TAF1B: variants seen among roughly 807,000 people sequenced by gnomAD.
The protein encoded by TAF1B is TATA box-binding protein-associated factor RNA polymerase I subunit B.
TAF1B carries 61 observed loss-of-function variants against 83.9 expected under a neutral mutation model. The ratio of observed to expected loss-of-function variants is 0.73; its 90% CI spans 0.59 to 0.90. TAF1B has a LOEUF of 0.90. TAF1B is among the 40% of genes least tolerant of loss of function. The pLI is 0.00. For synonymous variants in TAF1B, 221 were observed against 224.6 expected (o/e 0.98, Z 0.14); for missense variants, 625 against 677.0 (o/e 0.92, Z 0.85).
intron 8 of TAF1B, among the ~76,000 whole-genome samples, chr2:9,896,561 CTG>C (rs1300696806): frequency 8.5e-6 from 1 of 118,084 alleles, no homozygotes; most frequent in Non-Finnish European, 1.6e-5. Context: ...TGTTTTCCTT[CTG>C]TGTTTGGTTT....
At chr2:9,897,643 C>G (rs890442109) in intron 8 of TAF1B, among the ~76,000 whole-genome samples, 3 of 152,244 alleles carry the variant, frequency 2.0e-5, no homozygotes, top group African/African-American at 7.2e-5. Flanking sequence ...AACTGGGTTT[C>G]TTTTGGTTGA....
At chr2:9,889,975 A>AATATG (rs1159478170) in intron 8 of TAF1B, among the ~76,000 whole-genome samples, 1 of 152,172 alleles carries the variant, frequency 6.6e-6, no homozygotes, top group East Asian at 1.9e-4. Flanking sequence ...ATACATGCAC[A>AATATG]TATTGATACT....
chr2:9,927,791 A>C (rs1335199136), intron 14 of TAF1B, among the ~76,000 whole-genome samples: 13 of 152,168 alleles, frequency 8.5e-5, no homozygotes, highest in Admixed American at 7.2e-4. Flanking sequence ...GGGTAGATTG[A>C]AAAAATTTTC....
At chr2:9,852,153 C>A in intron 4 of TAF1B, 1 of 396,382 alleles carries the variant, frequency 2.5e-6, no homozygotes. Flanking sequence ...ACCTTAATCC[C>A]CGAATTTCTG....
chr2:9,891,287 G>T (rs1664867188), intron 8 of TAF1B, among the ~76,000 whole-genome samples: 3 of 152,152 alleles, frequency 2.0e-5, no homozygotes, highest in Non-Finnish European at 4.4e-5. Context: ...ACTGCCAGTG[G>T]TAGAAAAGTA....
chr2:9,849,679 G>A (rs1452589620), intron 3 of TAF1B, among the ~76,000 whole-genome samples: 7 of 152,088 alleles, frequency 4.6e-5, no homozygotes, highest in South Asian at 2.1e-4. Flanking sequence ...TAATTCAACC[G>A]TGGAATTGTT....
At chr2:9,868,450 A>G (rs750023827) in intron 6 of TAF1B, 21 bp downstream of exon 6, 7 of 1,594,502 alleles carry the variant, frequency 4.4e-6, no homozygotes, top group African/African-American at 1.3e-5. Context: ...GAACCAAACC[A>G]TTTCGAATTT....
At chr2:9,885,669 T>C (rs1469398267) in intron 8 of TAF1B, among the ~76,000 whole-genome samples, 2 of 152,200 alleles carry the variant, frequency 1.3e-5, no homozygotes, top group Non-Finnish European at 2.9e-5. Context: ...GTTACTACTT[T>C]TGCATTAGCT....
chr2:9,933,154 C>T (rs183683640), intron 14 of TAF1B, among the ~76,000 whole-genome samples: 2,072 of 152,302 alleles, frequency 0.014, 46 homozygotes, highest in African/African-American at 0.047. Flanking sequence ...GCTCACCCTC[C>T]GTGGGCTGCA....
chr2:9,844,762 A>C (rs930141465), intron 1 of TAF1B, among the ~76,000 whole-genome samples: 1 of 152,190 alleles, frequency 6.6e-6, no homozygotes, highest in Non-Finnish European at 1.5e-5. Flanking sequence ...CCTGGTACAC[A>C]CATAGTTGAT....
intron 5 of TAF1B, among the ~76,000 whole-genome samples, chr2:9,861,614 G>A (rs1038058821): frequency 6.6e-5 from 10 of 152,208 alleles, no homozygotes; most frequent in African/African-American, 2.4e-4. Context: ...CTCCCACCAT[G>A]CAGCTTGAGA....
At chr2:9,848,081 T>C (rs1663265725) in intron 2 of TAF1B, among the ~76,000 whole-genome samples, 1 of 152,344 alleles carries the variant, frequency 6.6e-6, no homozygotes, top group Middle Eastern at 3.4e-3. Context: ...AGATTTTAAG[T>C]CTTTTTTTCC....
At chr2:9,852,191 G>T in intron 4 of TAF1B, 1 of 311,552 alleles carries the variant, frequency 3.2e-6, no homozygotes, top group Non-Finnish European at 6.3e-6. Context: ...TAGAGCCCAA[G>T]AATGTGCATT....
chr2:9,876,646 C>A (rs1321922147), intron 7 of TAF1B, among the ~76,000 whole-genome samples: 1 of 152,130 alleles, frequency 6.6e-6, no homozygotes, highest in Non-Finnish European at 1.5e-5. Flanking sequence ...TGAATAGTAA[C>A]ATTTGGGTTT....
intron 5 of TAF1B, among the ~76,000 whole-genome samples, chr2:9,859,228 G>A (rs287998): frequency 0.94 from 143,230 of 152,182 alleles, 67,948 homozygotes; most frequent in East Asian, 1. Flanking sequence ...ATCTTTCTCA[G>A]CTTCAAAGTT....
intron 5 of TAF1B, among the ~76,000 whole-genome samples, chr2:9,865,950 G>A (rs1663960018): frequency 6.6e-6 from 1 of 151,702 alleles, no homozygotes; most frequent in Non-Finnish European, 1.5e-5. Context: ...ATGGATTAAA[G>A]ACTTACATGT....
At position 9,852,215 on chromosome 2, in the gene TAF1B, T is replaced by G. The variant is rs887273032; in HGVS notation, c.303+577T>G. On this transcript the variant is annotated intron_variant, in intron 4 of 14. Transcript: ENST00000263663. Reference sequence around the variant, plus strand: ...AGAATGTGCATTTCTAACAAGTTCTTATGGGACACCCATGCTTCTGGTCTG... The same window carrying G: ...AGAATGTGCATTTCTAACAAGTTCTGATGGGACACCCATGCTTCTGGTCTG... 2.9e-5 allele frequency: 8 copies of G among 273,044 alleles called. No homozygotes were observed. The East Asian group carries it at 7.9e-4, about 27-fold the overall frequency. 16.9% of individuals were successfully genotyped at this position (273,044 alleles called of 1,614,324 possible).
At chr2:9,847,104 C>T (rs1204315805) in intron 2 of TAF1B, among the ~76,000 whole-genome samples, 1 of 152,126 alleles carries the variant, frequency 6.6e-6, no homozygotes, top group African/African-American at 2.4e-5. Context: ...CCGTTTGATT[C>T]TGTTTGATCA....
At chr2:9,850,845 A>G (rs1400793487) in intron 3 of TAF1B, among the ~76,000 whole-genome samples, 1 of 152,152 alleles carries the variant, frequency 6.6e-6, no homozygotes, top group Non-Finnish European at 1.5e-5. Flanking sequence ...AGTATTCCAG[A>G]AAATAACCCA....
Sources: allele counts gnomAD v4.1 joint callset (sites outside exome capture counted in the v4.1 genomes callset), GRCh38; gene constraint gnomAD v4.1.1; transcripts MANE v1.5; gene names NCBI Gene and HGNC (gene_info 2026-07-23, HGNC 2026-07-21).